The following ITPR1 variants were observed in gnomAD, a reference collection of about 807,000 sequenced individuals.
ITPR1 encodes the protein inositol 1,4,5-trisphosphate-gated calcium channel ITPR1.
Under a neutral mutation model 318.4 loss-of-function variants are expected in ITPR1, and 96 were observed. The ratio of observed to expected loss-of-function variants is 0.30; its 90% CI spans 0.26 to 0.36. The LOEUF (loss-of-function observed/expected upper bound fraction) is 0.36, where lower values mean the gene tolerates loss of function less well. ITPR1 is among the 10% of genes least tolerant of loss of function. The probability of loss-of-function intolerance (pLI) is 1.00; values close to 1 mark genes in which losing one functional copy is unlikely to be tolerated. For missense variants in ITPR1, 2,440 were observed against 3,460.2 expected (o/e 0.71, Z 7.40); for synonymous variants, 1,312 against 1,289.9 (o/e 1.02, Z -0.37).
chr3:4,654,633 G>A (rs2093666001), intron 12 of ITPR1, among the ~76,000 whole-genome samples: 2 of 152,206 alleles, frequency 1.3e-5, no homozygotes, highest in Non-Finnish European at 2.9e-5. Context: ...TGACATGTGT[G>A]TCTACACGAT....
chr3:4,594,028 C>A (rs189702335), intron 4 of ITPR1, among the ~76,000 whole-genome samples: 1 of 152,064 alleles, frequency 6.6e-6, no homozygotes. Flanking sequence ...ATGGGAAATG[C>A]GGGGCTTGAA....
chr3:4,842,851 T>G (rs1178745358), intron 61 of ITPR1, among the ~76,000 whole-genome samples: 1 of 152,170 alleles, frequency 6.6e-6, no homozygotes, highest in Non-Finnish European at 1.5e-5. Context: ...TTTGTTTTGA[T>G]GTAGGTAAGA....
chr3:4,735,081 TA>T, intron 43 of ITPR1, 82 bp from the exon 44 acceptor site: 1 of 1,046,854 alleles, frequency 9.6e-7, no homozygotes, highest in Non-Finnish European at 1.4e-6. Flanking sequence ...ATTTAGTGCA[TA>T]AAGTGTTGGT....
chr3:4,665,568 C>G (rs972370190), intron 17 of ITPR1, among the ~76,000 whole-genome samples: 1 of 152,094 alleles, frequency 6.6e-6, no homozygotes, highest in African/African-American at 2.4e-5. Flanking sequence ...TTTTTTATGA[C>G]GTATTCCCTT....
chr3:4,633,737 C>G (rs1559579316), intron 5 of ITPR1, among the ~76,000 whole-genome samples: 1 of 152,232 alleles, frequency 6.6e-6, no homozygotes, highest in African/African-American at 2.4e-5. Context: ...CTACTGTTTT[C>G]TGACAGCAGC....
intron 50 of ITPR1, among the ~76,000 whole-genome samples, chr3:4,782,968 G>A (rs1422779048): frequency 4.6e-5 from 7 of 152,164 alleles, no homozygotes; most frequent in East Asian, 1.9e-4. Context: ...GGAAATCCCC[G>A]TGTTTCTTAA....
chr3:4,816,743 A>G (rs1427924898), intron 59 of ITPR1, among the ~76,000 whole-genome samples: 1 of 152,246 alleles, frequency 6.6e-6, no homozygotes, highest in East Asian at 1.9e-4. Context: ...TTTTTCCAGT[A>G]ACTCCATAAA....
intron 44 of ITPR1, among the ~76,000 whole-genome samples, chr3:4,762,280 CT>C (rs1259644610): frequency 1.3e-5 from 2 of 152,228 alleles, no homozygotes; most frequent in Non-Finnish European, 2.9e-5. Context: ...GCCTGAGCTC[CT>C]GGTAGCTTGA....
intron 4 of ITPR1, among the ~76,000 whole-genome samples, chr3:4,539,938 C>T (rs1383007855): frequency 7.0e-6 from 1 of 143,550 alleles, no homozygotes; most frequent in Non-Finnish European, 1.5e-5. Flanking sequence ...ACAAATTACC[C>T]AGTTTCAGGT....
rs995528328 is a variant in ITPR1, at chr3:4,710,813, C to T, written c.4991+340C>T. 6.6e-6 allele frequency among the ~76,000 whole-genome samples: 1 copy of T among 152,168 alleles called. No homozygotes were observed. The highest frequency in any genetic ancestry group is 2.4e-5 in the African/African-American group (1 of 41,436). ...CAGCCCTCAGAAATCTCAGATCTATCGTGACCTCACCATCTTTTCCTAATA... is the reference window on the plus strand; with the variant it reads ...CAGCCCTCAGAAATCTCAGATCTATTGTGACCTCACCATCTTTTCCTAATA... On this transcript the variant is annotated intron_variant, in intron 38 of 61. Transcript: ENST00000649015. This position sits in a 1 kb window ranked among gnomAD's most constrained non-coding sequence, Gnocchi z 4.2.
At chr3:4,634,897 C>T in intron 5 of ITPR1, among the ~76,000 whole-genome samples, 1 of 152,334 alleles carries the variant, frequency 6.6e-6, no homozygotes, top group South Asian at 2.1e-4. Context: ...CACCACCACA[C>T]CTGGCTAATT....
intron 40 of ITPR1, among the ~76,000 whole-genome samples, chr3:4,722,375 A>G (rs2125301557): frequency 6.6e-6 from 1 of 152,316 alleles, no homozygotes; most frequent in African/African-American, 2.4e-5. Flanking sequence ...TGGTCCTGGG[A>G]CTAAGCAGGA....
At position 4,553,443 on chromosome 3, in the gene ITPR1, TG is replaced by T. The variant is rs537572919; in HGVS notation, c.163+32350del. ...GTTCTTGCTATTGTTATTATTATTT[TG>T]TTTTGAGGGAGGGTCTTGCTGTGTC... On this transcript the variant is annotated intron_variant, in intron 4 of 61. Coordinates refer to ENST00000649015, the MANE Select transcript of ITPR1 (RefSeq NM_001378452.1). Among the ~76,000 whole-genome samples, 257 of 152,180 alleles carry T rather than the reference TG, an allele frequency of 1.7e-3. 1 individual carries two copies. Among genetic ancestry groups the T allele is most frequent in the African/African-American group, 5.9e-3 (245 of 41,506 alleles).
chr3:4,692,920 A>C (rs2094501606), intron 32 of ITPR1, among the ~76,000 whole-genome samples: 2 of 152,202 alleles, frequency 1.3e-5, no homozygotes, highest in African/African-American at 4.8e-5. Flanking sequence ...TGAGAGTTCG[A>C]GACCAGCCTA....
chr3:4,844,275 C>T (rs1229060272), intron 61 of ITPR1, among the ~76,000 whole-genome samples: 1 of 152,044 alleles, frequency 6.6e-6, no homozygotes, highest in Non-Finnish European at 1.5e-5. Flanking sequence ...GTGCACGCTA[C>T]CATGCCTAGC....
At chr3:4,584,236 C>G (rs899237284) in intron 4 of ITPR1, among the ~76,000 whole-genome samples, 1 of 152,012 alleles carries the variant, frequency 6.6e-6, no homozygotes, top group African/African-American at 2.4e-5. Context: ...TTCTCAGCAC[C>G]CACCTCACCC....
chr3:4,752,882 C>A (rs1243744973), intron 44 of ITPR1, among the ~76,000 whole-genome samples: 1 of 152,162 alleles, frequency 6.6e-6, no homozygotes, highest in Non-Finnish European at 1.5e-5. Flanking sequence ...AGGGATGAGA[C>A]CAACATAGCC....
chr3:4,836,894 G>A lies in ITPR1; in HGVS notation c.8149G>A (p.Val2717Ile). 6.3e-7 allele frequency: 1 copy of A among 1,597,552 alleles called. No individual in the cohort carries two copies. The highest frequency in any genetic ancestry group is 8.6e-7 in the Non-Finnish European group (1 of 1,168,128). Residue 2717 changes from valine (V) to isoleucine (I), a missense_variant, in exon 61 of 62, where the codon GTC becomes ATC. Around this residue, in one of 23 missense-constraint regions of ITPR1, gnomAD observed 63 missense variants for 63.4 expected, o/e 0.99. Coordinates refer to ENST00000649015, the MANE Select transcript of ITPR1 (RefSeq NM_001378452.1). ...GAAGCTGGAGTCCACCATGAAACTT[G>A]TCACGAACCTTTCTGGCCAGCTGTC... ...QEKLESTMKL[V>I]TNLSGQLSEL...
chr3:4,773,380 T>C (rs949940624), intron 46 of ITPR1, among the ~76,000 whole-genome samples: 1 of 152,018 alleles, frequency 6.6e-6, no homozygotes, highest in Non-Finnish European at 1.5e-5. Flanking sequence ...TCATTGGGAG[T>C]GGTAACAGAA....
Sources: allele counts gnomAD v4.1 joint callset (sites outside exome capture counted in the v4.1 genomes callset), GRCh38; gene constraint gnomAD v4.1.1; regional missense constraint gnomAD v4.1.1; non-coding constraint Gnocchi (gnomAD v3.1); transcripts MANE v1.5; gene names NCBI Gene and HGNC (gene_info 2026-07-23, HGNC 2026-07-21).